EFHC1: variants seen among roughly 807,000 people sequenced by gnomAD.
EFHC1 encodes EF-hand domain containing 1.
Under a neutral mutation model 69.9 loss-of-function variants are expected in EFHC1, and 53 were observed. The observed-to-expected ratio is 0.76, with a 90% CI of 0.61 to 0.95. The LOEUF (loss-of-function observed/expected upper bound fraction) is 0.95, where lower values mean the gene tolerates loss of function less well. Ranked by LOEUF, EFHC1 falls within the 40% of genes least tolerant of loss-of-function variation. The probability of loss-of-function intolerance (pLI) is 0.00; values close to 1 mark genes in which losing one functional copy is unlikely to be tolerated. For missense variants in EFHC1, 739 were observed against 798.7 expected (o/e 0.93, Z 0.90); for synonymous variants, 256 against 278.4 (o/e 0.92, Z 0.80).
intron 9 of EFHC1, chr6:52,482,873 A>G (rs905156824): frequency 7.5e-6 from 3 of 398,444 alleles, no homozygotes; most frequent in East Asian, 3.6e-5. Context: ...TTTCTCTTCT[A>G]TAACTCTATT....
At chr6:52,483,017 C>T (rs1765712773) in intron 9 of EFHC1, 1 of 395,422 alleles carries the variant, frequency 2.5e-6, no homozygotes, top group South Asian at 1.4e-4. Context: ...AAGATAGCTA[C>T]ACACTTTACT....
At position 52,490,252 on chromosome 6, in the gene EFHC1, A is replaced by G. The variant is rs1464009839; in HGVS notation, c.1753A>G (p.Ile585Val). Residue 585 changes from isoleucine to valine, a missense_variant, in exon 10 of 11, where the codon ATT (isoleucine) becomes GTT (valine). By Grantham distance (29) the Ile-to-Val change is conservative. Transcript: ENST00000371068. ...CKDNIREAFQ[I>V]YDKEASGYVD... ...AGACAACATTCGTGAGGCATTTCAA[A>G]TTTATGACAAGGAAGCTTCAGGATA... 2 of 1,614,160 alleles carry G rather than the reference A, an allele frequency of 1.2e-6. No homozygotes were observed. Among genetic ancestry groups the G allele is most frequent in the South Asian group, 1.1e-5 (1 of 91,088 alleles).
At chr6:52,442,834 T>G (rs1224601537) in intron 3 of EFHC1, among the ~76,000 whole-genome samples, 1 of 152,204 alleles carries the variant, frequency 6.6e-6, no homozygotes, top group East Asian at 1.9e-4. Flanking sequence ...CTGGGTCATA[T>G]GGTATTTCTT....
intron 7 of EFHC1, among the ~76,000 whole-genome samples, chr6:52,470,709 G>A (rs1581841867): frequency 6.6e-6 from 1 of 152,144 alleles, no homozygotes; most frequent in Non-Finnish European, 1.5e-5. Flanking sequence ...ATTAGAAAAG[G>A]GAAAGGAACT....
chr6:52,451,908 T>G (rs2113993298), intron 3 of EFHC1, among the ~76,000 whole-genome samples: 1 of 152,264 alleles, frequency 6.6e-6, no homozygotes, highest in South Asian at 2.1e-4. Flanking sequence ...GTATTTGTTT[T>G]AAGTGAATTA....
intron 6 of EFHC1, among the ~76,000 whole-genome samples, chr6:52,465,527 G>T (rs1765285204): frequency 6.6e-6 from 1 of 151,728 alleles, no homozygotes; most frequent in South Asian, 2.1e-4. Context: ...ATATTTTCTG[G>T]CTGGGCACAG....
intron 4 of EFHC1, chr6:52,453,846 GCTCTT>G: frequency 4.5e-6 from 6 of 1,339,450 alleles, no homozygotes; most frequent in Non-Finnish European, 5.9e-6. Context: ...ATCAAAGTGA[GCTCTT>G]CTTTTTTGGC....
At chr6:52,490,892 C>T (rs1321185673) in intron 10 of EFHC1, 1 of 160,900 alleles carries the variant, frequency 6.2e-6, no homozygotes. Flanking sequence ...CATGCCTTTT[C>T]TTCATTATAA....
rs796052417 is a variant in EFHC1 at position 52,469,367 on chromosome 6, A to G, written c.1172A>G (p.Glu391Gly). The change falls in exon 7 of 11, where the codon GAA becomes GGA. Residue 391 changes from glutamate (E) to glycine (G), a missense_variant. Physicochemically the swap from Glu to Gly is moderately conservative, Grantham distance 98 (BLOSUM62 -2). Coordinates refer to ENST00000371068, the MANE Select transcript of EFHC1 (RefSeq NM_018100.4). ...CCTTATAACGGTTTTGGACTAGTGG[A>G]AGATTCTGCTCAGAATTGTTTTGCT... is the stretch of plus-strand genomic sequence containing the variant. ...LPPYNGFGLV[E>G]DSAQNCFALI... 5 of 1,614,036 alleles carry G rather than the reference A, an allele frequency of 3.1e-6. No homozygotes were observed. Among genetic ancestry groups the G allele is most frequent in the Non-Finnish European group, 4.2e-6 (5 of 1,179,932 alleles).
chr6:52,447,113 C>G (rs1219206444), intron 3 of EFHC1, among the ~76,000 whole-genome samples: 2 of 152,158 alleles, frequency 1.3e-5, no homozygotes, highest in Non-Finnish European at 2.9e-5. Flanking sequence ...TAGCCTGCCT[C>G]ACTAGTTTGG....
At chr6:52,476,757 ACTAT>A (rs143596666) in intron 7 of EFHC1, among the ~76,000 whole-genome samples, 22,911 of 152,060 alleles carry the variant, frequency 0.15, 2,257 homozygotes, top group Non-Finnish European at 0.21. Context: ...AGATTGAGGA[ACTAT>A]CTATCACATA....
intron 5 of EFHC1, among the ~76,000 whole-genome samples, chr6:52,461,126 G>C (rs147922323): frequency 3.8e-4 from 58 of 152,116 alleles, no homozygotes; most frequent in African/African-American, 1.3e-3. Context: ...TGTTTTATGA[G>C]TGAGCTTGTG....
chr6:52,484,443 A>C (rs1390357746), intron 9 of EFHC1: 1 of 152,230 alleles, frequency 6.6e-6, no homozygotes, highest in Non-Finnish European at 1.5e-5. Context: ...AAAAAAATTT[A>C]GTGAGAAGAG....
chr6:52,437,365 T>A (rs1764556888), intron 2 of EFHC1, among the ~76,000 whole-genome samples: 1 of 152,188 alleles, frequency 6.6e-6, no homozygotes, highest in South Asian at 2.1e-4. Flanking sequence ...TCCTTTAAGA[T>A]GTATTCTCAC....
chr6:52,479,200 A>G lies in EFHC1; in HGVS notation c.1442A>G (p.Asn481Ser). Residue 481 changes from asparagine (N) to serine (S), a missense_variant, in exon 8 of 11, where the codon AAC becomes AGC. Coordinates refer to ENST00000371068, the MANE Select transcript of EFHC1 (RefSeq NM_018100.4). ...GTTAAACCATACTCTACAGTGGACA[A>G]CCCTGTCTACTATGGCCCCAGTGAC... ...KVVKPYSTVDNPVYYGPSDFF... is the reference protein window; with the variant it reads ...KVVKPYSTVDSPVYYGPSDFF... 1 of 1,614,038 alleles carries G rather than the reference A, an allele frequency of 6.2e-7. No individual in the cohort carries two copies. The highest frequency in any genetic ancestry group is 8.5e-7 in the Non-Finnish European group (1 of 1,179,964).
chr6:52,448,299 C>T (rs939951270), intron 3 of EFHC1, among the ~76,000 whole-genome samples: 1 of 152,224 alleles, frequency 6.6e-6, no homozygotes, highest in Non-Finnish European at 1.5e-5. Flanking sequence ...GCCTCGCTGC[C>T]GCCTTGCAGT....
intron 3 of EFHC1, among the ~76,000 whole-genome samples, chr6:52,446,560 A>G (rs1326558737): frequency 1.3e-5 from 2 of 152,162 alleles, no homozygotes; most frequent in African/African-American, 4.8e-5. Flanking sequence ...GTTCATTTAC[A>G]TTTAAGGTTA....
At chr6:52,461,464 C>T (rs1005349057) in intron 5 of EFHC1, among the ~76,000 whole-genome samples, 1 of 152,140 alleles carries the variant, frequency 6.6e-6, no homozygotes, top group Non-Finnish European at 1.5e-5. Flanking sequence ...TTTATTCAAT[C>T]TGTCATTGAT....
intron 2 of EFHC1, among the ~76,000 whole-genome samples, chr6:52,426,027 T>C (rs548774216): frequency 2.3e-3 from 346 of 152,348 alleles, no homozygotes; most frequent in Non-Finnish European, 3.4e-3. Context: ...TTATTTCTGA[T>C]GTTCTTCTTT....
Sources: allele counts gnomAD v4.1 joint callset (sites outside exome capture counted in the v4.1 genomes callset), GRCh38; gene constraint gnomAD v4.1.1; transcripts MANE v1.5; gene names NCBI Gene and HGNC (gene_info 2026-07-23, HGNC 2026-07-21).